The following IFT80 variants were observed in gnomAD, a reference collection of about 807,000 sequenced individuals.
IFT80 encodes the protein intraflagellar transport protein 80 homolog.
A neutral mutation model predicts 107.9 loss-of-function variants in IFT80; 79 were observed. That is an observed-to-expected ratio of 0.73 (90% CI 0.61 to 0.88). IFT80 has a LOEUF of 0.88. Among genes scored for constraint, IFT80 ranks in the 40% least tolerant of loss-of-function variants. The pLI, the probability that IFT80 is intolerant of heterozygous loss-of-function variation, is 0.00. For synonymous variants in IFT80, 299 were observed against 300.9 expected (o/e 0.99, Z 0.07); for missense variants, 797 against 914.2 (o/e 0.87, Z 1.65).
At chr3:160,316,595 C>T (rs1011630866) in intron 9 of IFT80, among the ~76,000 whole-genome samples, 1 of 152,046 alleles carries the variant, frequency 6.6e-6, no homozygotes, top group Non-Finnish European at 1.5e-5. Context: ...TTTTGTCTGC[C>T]CAGAATCAAC....
chr3:160,337,449 C>A (rs1413252520), intron 8 of IFT80, among the ~76,000 whole-genome samples: 2 of 152,004 alleles, frequency 1.3e-5, no homozygotes, highest in Non-Finnish European at 2.9e-5. Context: ...CATGGTGAAA[C>A]CCCATCTACT....
At chr3:160,324,013 A>C (rs1267638213) in intron 8 of IFT80, among the ~76,000 whole-genome samples, 1 of 152,214 alleles carries the variant, frequency 6.6e-6, no homozygotes, top group Non-Finnish European at 1.5e-5. Flanking sequence ...CTACACAAAT[A>C]AACTAGAAAA....
At chr3:160,351,644 AATAC>A (rs1292612748) in intron 8 of IFT80, among the ~76,000 whole-genome samples, 1 of 148,410 alleles carries the variant, frequency 6.7e-6, no homozygotes, top group Admixed American at 6.8e-5. Flanking sequence ...GACATACATG[AATAC>A]ATACATATGC....
rs1354667959 is a variant in IFT80 at position 160,279,423 on chromosome 3, G to A, written c.1665-59C>T. 12 of 1,424,848 alleles carry A rather than the reference G, an allele frequency of 8.4e-6. No individual in the cohort carries two copies. The Admixed American group carries it at 1.2e-4, about 15-fold the overall frequency. The allele number at this position is 1,424,848 out of a possible 1,614,324, so 88.3% of individuals were successfully genotyped here. A position where few individuals can be genotyped will look rare whatever the true frequency, so the allele number is the denominator to read the frequency against. On this transcript the variant is annotated intron_variant, in intron 15 of 19. Transcript: ENST00000326448. ...TTGTATTCTGAGCAAAATTTTTCAT[G>A]TATATTAAATTTGGGGAGTGGACCG...
At chr3:160,390,371 C>T (rs1329899283) in intron 1 of IFT80, among the ~76,000 whole-genome samples, 1 of 150,018 alleles carries the variant, frequency 6.7e-6, no homozygotes, top group Non-Finnish European at 1.5e-5. Context: ...AAGCCGAGAT[C>T]GCACCATTGC....
intron 18 of IFT80, among the ~76,000 whole-genome samples, chr3:160,270,775 G>A (rs1041471549): frequency 2.0e-5 from 3 of 152,118 alleles, no homozygotes; most frequent in Non-Finnish European, 4.4e-5. Context: ...GATTCCAGTT[G>A]TGTATGTGTG....
chr3:160,383,838 T>C (rs1295527446), intron 2 of IFT80: 1 of 985,308 alleles, frequency 1.0e-6, no homozygotes, highest in Non-Finnish European at 1.2e-6. Context: ...AGGATCTGAC[T>C]GCTCAGATTT....
chr3:160,261,970 C>T (rs866272526), intron 19 of IFT80, among the ~76,000 whole-genome samples: 5 of 152,090 alleles, frequency 3.3e-5, no homozygotes, highest in Non-Finnish European at 7.4e-5. Context: ...CTGTATAATA[C>T]CATTCTCTTC....
At position 160,399,129 on chromosome 3, in the gene IFT80, G is replaced by A. The variant is rs568205846; in HGVS notation, c.-47+17C>T. On this transcript the variant is annotated intron_variant, in intron 1 of 19. Transcript: ENST00000326448. ...CCAAACCCTTTTCTCACCAGGTCCA[G>A]AGGTGAAGGGATTTACCTCAAGTTC... is the stretch of plus-strand genomic sequence containing the variant. The A allele has an allele frequency of 5.9e-5, 9 of 152,392 alleles. No individual in the cohort carries two copies. In the South Asian group the frequency reaches 1.7e-3, roughly 28 times the overall value. The allele number at this position is 152,392 out of a possible 1,614,324, so 9.4% of individuals were successfully genotyped here. A position where few individuals can be genotyped will look rare whatever the true frequency, so the allele number is the denominator to read the frequency against.
chr3:160,319,746 G>A lies in IFT80; in HGVS notation c.957+14C>T, dbSNP rs1317866217. The A allele has an allele frequency of 1.9e-6, 3 of 1,607,944 alleles. No individual in the cohort carries two copies. The highest frequency in any genetic ancestry group is 2.7e-5 in the African/African-American group (2 of 74,700). ...AAAGAAGCAGGTTTAATCAACCTTG[G>A]AACATAATAATACCTGCATGGCTCT... On this transcript the variant is annotated intron_variant, in intron 9 of 19. Coordinates refer to ENST00000326448, the MANE Select transcript of IFT80 (RefSeq NM_020800.3).
chr3:160,263,675 TTTTTA>T (rs1713046385), intron 19 of IFT80, among the ~76,000 whole-genome samples: 1 of 152,158 alleles, frequency 6.6e-6, no homozygotes, highest in African/African-American at 2.4e-5. Flanking sequence ...TATTTCTTTA[TTTTTA>T]TTTTATTTTT....
At chr3:160,376,419 G>A (rs778258681) in intron 4 of IFT80, among the ~76,000 whole-genome samples, 13 of 152,146 alleles carry the variant, frequency 8.5e-5, no homozygotes, top group Admixed American at 2.0e-4. Context: ...GGTGACATCC[G>A]AACATATTTA....
chr3:160,317,253 T>C lies in IFT80; in HGVS notation c.957+2507A>G, dbSNP rs1287635323. On this transcript the variant is annotated intron_variant, in intron 9 of 19. Coordinates refer to ENST00000326448, the MANE Select transcript of IFT80 (RefSeq NM_020800.3). ...TAGGCCTAACTTAGCAAAAATGCAGTCAAATGTTTTATAATCATGGAGAAA... is the reference window on the plus strand; with the variant it reads ...TAGGCCTAACTTAGCAAAAATGCAGCCAAATGTTTTATAATCATGGAGAAA... Among the ~76,000 whole-genome samples, 8 of 152,022 alleles carry C rather than the reference T, an allele frequency of 5.3e-5. No individual in the cohort carries two copies. In the East Asian group the frequency reaches 1.5e-3, roughly 29 times the overall value.
intron 5 of IFT80, among the ~76,000 whole-genome samples, chr3:160,372,840 T>G (rs2108389259): frequency 6.6e-6 from 1 of 152,334 alleles, no homozygotes; most frequent in Non-Finnish European, 1.5e-5. Context: ...TCAACTGTAT[T>G]ATATGGTATA....
chr3:160,343,212 G>GT (rs1271057225), intron 8 of IFT80, among the ~76,000 whole-genome samples: 2 of 152,272 alleles, frequency 1.3e-5, no homozygotes, highest in Middle Eastern at 3.4e-3. Flanking sequence ...ACTGCAGATG[G>GT]TAAGTCACTG....
At chr3:160,272,649 G>A (rs932356332) in intron 18 of IFT80, among the ~76,000 whole-genome samples, 7 of 151,880 alleles carry the variant, frequency 4.6e-5, no homozygotes, top group African/African-American at 7.3e-5. Flanking sequence ...TTAAGTTTTC[G>A]TGATAAACCT....
intron 6 of IFT80, among the ~76,000 whole-genome samples, chr3:160,361,813 G>A (rs1721511764): frequency 6.6e-6 from 1 of 152,176 alleles, no homozygotes; most frequent in Admixed American, 6.5e-5. Context: ...AAATAAAGAT[G>A]TTCTTTGAAA....
At chr3:160,361,073 A>G in intron 6 of IFT80, among the ~76,000 whole-genome samples, 1 of 152,230 alleles carries the variant, frequency 6.6e-6, no homozygotes, top group South Asian at 2.1e-4. Flanking sequence ...ATTAAAAGAC[A>G]CAGACTGGCA....
Position 160,277,597 on chromosome 3 carries a change from T to C in IFT80, c.1910A>G (p.Tyr637Cys), listed in dbSNP as rs949267903. 3.7e-6 allele frequency: 6 copies of C among 1,611,920 alleles called. No homozygotes were observed. The highest frequency in any genetic ancestry group is 3.3e-5 in the Admixed American group (2 of 59,982). The change falls in exon 17 of 20, where the codon TAT (tyrosine) becomes TGT (cysteine). Residue 637 changes from tyrosine to cysteine, a missense_variant. Physicochemically the swap from Tyr to Cys is radical, Grantham distance 194. Coordinates refer to ENST00000326448, the MANE Select transcript of IFT80 (RefSeq NM_020800.3). Reference sequence around the variant, plus strand: ...ATTACTTACTTCACCAATTGCTGCATAGGCTATTTCTGCAGTAGTCATATC... The same window carrying C: ...ATTACTTACTTCACCAATTGCTGCACAGGCTATTTCTGCAGTAGTCATATC... ...NRDMTTAEIA[Y>C]AAIGEIDKVQ...
Sources: allele counts gnomAD v4.1 joint callset (sites outside exome capture counted in the v4.1 genomes callset), GRCh38; gene constraint gnomAD v4.1.1; transcripts MANE v1.5; gene names NCBI Gene and HGNC (gene_info 2026-07-23, HGNC 2026-07-21).